NUP107: variants seen among roughly 807,000 people sequenced by gnomAD.
NUP107 encodes nuclear pore complex protein Nup107.
In NUP107, 101 loss-of-function variants were observed where a neutral mutation model predicts 141.0. The ratio of observed to expected loss-of-function variants is 0.72; its 90% CI spans 0.61 to 0.84. The LOEUF (loss-of-function observed/expected upper bound fraction) is 0.84. Ranked by LOEUF, NUP107 falls within the 40% of genes least tolerant of loss-of-function variation. The pLI is 0.00. For missense variants in NUP107, 941 were observed against 1,102.7 expected (o/e 0.85, Z 2.08); for synonymous variants, 319 against 363.9 (o/e 0.88, Z 1.41).
intron 25 of NUP107, 110 bp from the exon 26 acceptor site, chr12:68,735,121 C>T (rs1221040615): frequency 3.8e-6 from 3 of 799,444 alleles, no homozygotes; most frequent in Admixed American, 4.6e-5. Flanking sequence ...CAGACTGAAA[C>T]ATCAACTCTT....
chr12:68,702,677 G>A, intron 7 of NUP107, 59 bp from the exon 8 acceptor site: 3 of 1,196,880 alleles, frequency 2.5e-6, no homozygotes, highest in Non-Finnish European at 3.5e-6. Flanking sequence ...ATGCTCAGTG[G>A]CAAGTTCATT....
chr12:68,724,631 T>C (rs1027573438), intron 17 of NUP107, among the ~76,000 whole-genome samples: 1 of 152,008 alleles, frequency 6.6e-6, no homozygotes, highest in East Asian at 1.9e-4. Context: ...ATTTTAAAAA[T>C]TAGCCGGGTG....
chr12:68,726,667 A>G (rs753100706), intron 19 of NUP107, 50 bp downstream of exon 19: 1 of 1,095,476 alleles, frequency 9.1e-7, no homozygotes, highest in East Asian at 2.4e-5. Context: ...GATGCTATAT[A>G]CCTATTGTCA....
At chr12:68,700,686 G>C in intron 6 of NUP107, 40 bp from the exon 7 acceptor site, 1 of 1,455,386 alleles carries the variant, frequency 6.9e-7, no homozygotes, top group Non-Finnish European at 9.2e-7. Flanking sequence ...ACTCAAAATT[G>C]TAGAAAATTA....
At chr12:68,738,595 G>A (rs1878178903) in intron 26 of NUP107, among the ~76,000 whole-genome samples, 1 of 152,152 alleles carries the variant, frequency 6.6e-6, no homozygotes, top group South Asian at 2.1e-4. Context: ...AGGCACGGCT[G>A]TACACAATAG....
At chr12:68,720,414 T>C (rs1233299137) in intron 14 of NUP107, among the ~76,000 whole-genome samples, 2 of 151,960 alleles carry the variant, frequency 1.3e-5, no homozygotes, top group African/African-American at 2.4e-5. Context: ...GTAGAAAAAA[T>C]ATACTTAAAA....
intron 20 of NUP107, 115 bp downstream of exon 20, chr12:68,727,504 T>A (rs1877614365): frequency 1.7e-6 from 1 of 600,172 alleles, no homozygotes; most frequent in Admixed American, 2.7e-5. Context: ...CCATAAGAGA[T>A]CTTTTAATTA....
chr12:68,722,066 T>A, intron 16 of NUP107, 38 bp from the exon 17 acceptor site: 1 of 1,611,436 alleles, frequency 6.2e-7, no homozygotes, highest in Non-Finnish European at 8.5e-7. Flanking sequence ...CTTTTTCATA[T>A]TATTAACATT....
intron 23 of NUP107, 31 bp downstream of exon 23, chr12:68,732,770 C>G (rs767345311): frequency 7.2e-7 from 1 of 1,390,016 alleles, no homozygotes; most frequent in Non-Finnish European, 1.0e-6. Context: ...GCTTCAAACT[C>G]CTGGGCTCCA....
At position 68,741,939 on chromosome 12, in the gene NUP107, T is replaced by G; in HGVS notation, c.2629T>G (p.Leu877Val). The G allele has an allele frequency of 6.2e-7, 1 of 1,612,882 alleles. No homozygotes were observed. Among genetic ancestry groups the G allele is most frequent in the African/African-American group, 1.3e-5 (1 of 74,990 alleles). Reference protein sequence around the residue: ...STGQYQECLQLADMVSSERHK... With the variant: ...STGQYQECLQVADMVSSERHK... ...TGGTCAGTATCAGGAATGCCTACAG[T>G]TAGCAGATATGGTATCCTCTGAGCG... is the stretch of plus-strand genomic sequence containing the variant. The change falls in exon 27 of 28, where the codon TTA (leucine) becomes GTA (valine). Residue 877 changes from leucine (L) to valine (V), a missense_variant. Coordinates refer to ENST00000229179, the MANE Select transcript of NUP107 (RefSeq NM_020401.4).
chr12:68,733,816 A>T (rs918075360), intron 24 of NUP107, among the ~76,000 whole-genome samples: 2 of 152,208 alleles, frequency 1.3e-5, no homozygotes, highest in African/African-American at 4.8e-5. Context: ...ACCAACCAAG[A>T]TCATCTCACA....
chr12:68,736,748 G>A (rs1486429656), intron 26 of NUP107, among the ~76,000 whole-genome samples: 2 of 124,198 alleles, frequency 1.6e-5, no homozygotes, highest in Non-Finnish European at 3.3e-5. Flanking sequence ...TTGAGAAAGA[G>A]TTTTGCTCTT....
At position 68,733,433 on chromosome 12, in the gene NUP107, T is replaced by A. The variant is rs960238068; in HGVS notation, c.2102-19T>A. ...AGAGAAGTCCGTAGGCATTCAAAATTGTGTATCTTTTTTCACAGCATCAAA... is the reference window on the plus strand; with the variant it reads ...AGAGAAGTCCGTAGGCATTCAAAATAGTGTATCTTTTTTCACAGCATCAAA... On this transcript the variant is annotated intron_variant, in intron 23 of 27. Transcript: ENST00000229179. The A allele has an allele frequency of 4.4e-6, 7 of 1,600,630 alleles. No individual in the cohort carries two copies. The Admixed American group carries it at 1.2e-4, about 28-fold the overall frequency.
Position 68,719,392 on chromosome 12 carries a change from G to A in NUP107, c.1135G>A (p.Glu379Lys), listed in dbSNP as rs1877256894. ...CGQAWRAATL[E>K]GWKLYHDPNV... ...TCAAGCATGGAGAGCTGCAACACTT[G>A]AAGGCTGGAAACTGTACCATGACCC... Residue 379 changes from glutamate (E) to lysine (K), a missense_variant, in exon 13 of 28, where the codon GAA becomes AAA. Physicochemically the swap from Glu to Lys is moderately conservative, Grantham distance 56 (BLOSUM62 1). Coordinates refer to ENST00000229179, the MANE Select transcript of NUP107 (RefSeq NM_020401.4). The A allele has an allele frequency of 1.9e-6, 3 of 1,614,022 alleles. No homozygotes were observed. In the African/African-American group the frequency reaches 4.0e-5, roughly 22 times the overall value.
At chr12:68,713,307 C>G (rs898855791) in intron 10 of NUP107, among the ~76,000 whole-genome samples, 1 of 147,822 alleles carries the variant, frequency 6.8e-6, no homozygotes, top group Admixed American at 6.9e-5. Flanking sequence ...TCCGGGAGGT[C>G]GAGGCTGCAG....
chr12:68,729,900 T>C (rs528475842), intron 20 of NUP107, among the ~76,000 whole-genome samples: 9 of 151,286 alleles, frequency 5.9e-5, no homozygotes, highest in Admixed American at 5.3e-4. Flanking sequence ...GGTTCAAGCA[T>C]GAATATTTTT....
chr12:68,706,287 C>T (rs1009406056), intron 8 of NUP107: 4 of 861,514 alleles, frequency 4.6e-6, no homozygotes, highest in Admixed American at 1.7e-5. Context: ...GAAGGGCTTA[C>T]TGAAGAGATC....
Position 68,737,556 on chromosome 12 carries a change from GTC to G in NUP107, c.2502+2215_2502+2216del, listed in dbSNP as rs1302035995. Among the ~76,000 whole-genome samples, 18 of 94,766 alleles carry G rather than the reference GTC, an allele frequency of 1.9e-4. 1 individual carries two copies. The highest frequency in any genetic ancestry group is 1.3e-4 in the African/African-American group (3 of 22,694). 62.2% of individuals were successfully genotyped at this position (94,766 alleles called of 152,430 possible). On this transcript the variant is annotated intron_variant, in intron 26 of 27. Coordinates refer to ENST00000229179, the MANE Select transcript of NUP107 (RefSeq NM_020401.4). The stretch of plus-strand genomic sequence containing the variant: ...AGCCTAGGTGACAGAGTGAGACCCT[GTC>G]TCAAAAAAAAAAAAAAAAAAAAAAT...
chr12:68,712,875 G>T (rs2136021695), intron 10 of NUP107, among the ~76,000 whole-genome samples: 1 of 151,982 alleles, frequency 6.6e-6, no homozygotes, highest in Admixed American at 6.6e-5. Context: ...AACCTTGATG[G>T]CTCCCTCACT....
Sources: allele counts gnomAD v4.1 joint callset (sites outside exome capture counted in the v4.1 genomes callset), GRCh38; gene constraint gnomAD v4.1.1; transcripts MANE v1.5; gene names NCBI Gene and HGNC (gene_info 2026-07-23, HGNC 2026-07-21).